Variants in UNC13C observed in about 807,000 individuals in gnomAD.
UNC13C encodes the protein unc-13 homolog C.
In UNC13C, 174 loss-of-function variants were observed where a neutral mutation model predicts 245.4. That is an observed-to-expected ratio of 0.71 (90% CI 0.63 to 0.80). The LOEUF is 0.80. Ranked by LOEUF, UNC13C falls within the 30% of genes least tolerant of loss-of-function variation. The pLI is 0.00. For missense variants in UNC13C, 2,829 were observed against 2,602.9 expected (o/e 1.09, Z -1.89); for synonymous variants, 992 against 895.1 (o/e 1.11, Z -1.93).
At chr15:54,223,668 AG>A (rs1490084864) in intron 4 of UNC13C, among the ~76,000 whole-genome samples, 12 of 152,068 alleles carry the variant, frequency 7.9e-5, no homozygotes, top group African/African-American at 2.4e-4. Flanking sequence ...TTTTCTGTGA[AG>A]AAGGGCATTA....
chr15:54,255,426 G>A (rs2036254733), intron 8 of UNC13C, among the ~76,000 whole-genome samples: 3 of 152,102 alleles, frequency 2.0e-5, no homozygotes. Flanking sequence ...ACTCCACCAC[G>A]TTCTGTTAGT....
At chr15:54,129,036 T>C (rs1027219444) in intron 2 of UNC13C, among the ~76,000 whole-genome samples, 14 of 152,200 alleles carry the variant, frequency 9.2e-5, no homozygotes, top group African/African-American at 3.4e-4. Flanking sequence ...AAGTTCAGGC[T>C]TTGAGTCCCA....
At chr15:53,888,165 C>T in the UNC13C span, among the ~76,000 whole-genome samples, 1 of 152,184 alleles carries the variant, frequency 6.6e-6, no homozygotes, top group African/African-American at 2.4e-5. Context: ...TTCACATTCC[C>T]ACCAACAGTG....
At chr15:54,380,658 A>G (rs2039704309) in intron 17 of UNC13C, among the ~76,000 whole-genome samples, 1 of 152,128 alleles carries the variant, frequency 6.6e-6, no homozygotes, top group Non-Finnish European at 1.5e-5. Context: ...CCATTCTGAC[A>G]AGTGAAAGGT....
intron 25 of UNC13C, among the ~76,000 whole-genome samples, chr15:54,527,299 C>G (rs1895512431): frequency 6.6e-6 from 1 of 151,954 alleles, no homozygotes; most frequent in Admixed American, 6.6e-5. Context: ...TCTCTTTGTT[C>G]TAGTTGCAAA....
intron 30 of UNC13C, among the ~76,000 whole-genome samples, chr15:54,612,290 C>CCTTT (rs1900145284): frequency 6.6e-6 from 1 of 151,300 alleles, no homozygotes; most frequent in East Asian, 1.9e-4. Flanking sequence ...ATGCTAGATA[C>CCTTT]CTTAAAGGTG....
the UNC13C span, among the ~76,000 whole-genome samples, chr15:53,841,873 A>T: frequency 8.5e-5 from 13 of 152,158 alleles, no homozygotes; most frequent in Admixed American, 8.5e-4. Context: ...TGATGTTATG[A>T]CATCAAATTT....
At chr15:54,530,647 T>G (rs1895694081) in intron 25 of UNC13C, among the ~76,000 whole-genome samples, 1 of 152,110 alleles carries the variant, frequency 6.6e-6, no homozygotes, top group Non-Finnish European at 1.5e-5. Context: ...TTCTCTGAAG[T>G]GATATTTGAT....
In UNC13C at chr15:54,161,378, G is replaced by A. The variant is rs568293574; in HGVS notation, c.3071+17694G>A. On this transcript the variant is annotated intron_variant, in intron 4 of 32. Coordinates refer to ENST00000260323, the MANE Select transcript of UNC13C (RefSeq NM_001080534.3). ...TCATAAAGCCATTTCTTTCTGCCAG[G>A]TACATGGACATCGTTTGACAGTGGT... Among the ~76,000 whole-genome samples the A allele has an allele frequency of 6.6e-5, 10 of 152,202 alleles. No individual in the cohort carries two copies. The East Asian group carries it at 7.7e-4, about 12-fold the overall frequency.
the UNC13C span, among the ~76,000 whole-genome samples, chr15:53,901,312 C>CG: frequency 1.3e-5 from 2 of 151,218 alleles, no homozygotes; most frequent in African/African-American, 4.9e-5. Context: ...CTCCACCTCC[C>CG]GGGTTCATGC....
chr15:54,445,048 GA>G (rs1890731480), intron 19 of UNC13C, among the ~76,000 whole-genome samples: 1 of 142,010 alleles, frequency 7.0e-6, no homozygotes, highest in Non-Finnish European at 1.5e-5. Context: ...GCCCACCTAT[GA>G]GTGAGAATAT....
At chr15:53,926,494 C>T in the UNC13C span, among the ~76,000 whole-genome samples, 1 of 152,080 alleles carries the variant, frequency 6.6e-6, no homozygotes, top group Non-Finnish European at 1.5e-5. Context: ...GGAAGGAAAA[C>T]ACGTAGAGGA....
At chr15:54,201,295 T>A (rs1169136801) in intron 4 of UNC13C, among the ~76,000 whole-genome samples, 1 of 151,878 alleles carries the variant, frequency 6.6e-6, no homozygotes, top group Non-Finnish European at 1.5e-5. Flanking sequence ...AAAGAGGGAA[T>A]CCTCCCTAAA....
intron 30 of UNC13C, among the ~76,000 whole-genome samples, chr15:54,619,613 G>T (rs867505067): frequency 6.6e-6 from 1 of 152,316 alleles, no homozygotes; most frequent in African/African-American, 2.4e-5. Flanking sequence ...GAATTAGCTT[G>T]TGAAGTTTGC....
chr15:53,976,387 G>A (rs905928652), upstream of UNC13C, among the ~76,000 whole-genome samples: 2 of 148,922 alleles, frequency 1.3e-5, no homozygotes, highest in African/African-American at 4.9e-5. Flanking sequence ...TCCTCTACGA[G>A]AATATTTGAA....
intron 4 of UNC13C, among the ~76,000 whole-genome samples, chr15:54,183,847 G>A (rs1299519049): frequency 6.6e-6 from 1 of 151,824 alleles, no homozygotes; most frequent in Non-Finnish European, 1.5e-5. Flanking sequence ...AGTGGCACAG[G>A]GAGAGGAACA....
At chr15:54,591,895 G>A (rs2141256196) in intron 30 of UNC13C, among the ~76,000 whole-genome samples, 2 of 152,094 alleles carry the variant, frequency 1.3e-5, no homozygotes, top group East Asian at 1.9e-4. Flanking sequence ...GATTGTCTGT[G>A]TGTGCTCTTT....
At chr15:54,339,651 A>C (rs1596248866) in intron 17 of UNC13C, among the ~76,000 whole-genome samples, 1 of 87,850 alleles carries the variant, frequency 1.1e-5, no homozygotes, top group East Asian at 2.3e-4. Context: ...ATATATATAT[A>C]TATATATATA....
chr15:54,368,246 T>C (rs1156647318), intron 17 of UNC13C, among the ~76,000 whole-genome samples: 1 of 152,174 alleles, frequency 6.6e-6, no homozygotes, highest in Non-Finnish European at 1.5e-5. Context: ...AGTCATGTTA[T>C]CTAAAGAATG....
Sources: gnomAD v4.1 joint callset for allele counts (sites outside exome capture counted in the v4.1 genomes callset) on GRCh38, gnomAD v4.1.1 for gene constraint, MANE v1.5 for transcripts, NCBI Gene and HGNC (gene_info 2026-07-23, HGNC 2026-07-21) for gene names.